POU2AF3: variants seen among roughly 807,000 people sequenced by gnomAD.
POU2AF3 encodes the protein cancer susceptibility candidate 13.
the POU2AF3 span, chr11:111,307,932 T>G: frequency 2.9e-6 from 2 of 693,178 alleles, no homozygotes; most frequent in East Asian, 5.9e-5. Flanking sequence ...TCTGCAGACT[T>G]GGGTTGGGTG....
At chr11:111,303,147 T>G in the POU2AF3 span, among the ~76,000 whole-genome samples, 1 of 152,230 alleles carries the variant, frequency 6.6e-6, no homozygotes, top group South Asian at 2.1e-4. Context: ...TCAAATATTC[T>G]TCAAGCAGTG....
the POU2AF3 span, chr11:111,298,633 G>T: frequency 8.0e-7 from 1 of 1,245,182 alleles, no homozygotes. Context: ...CGGGCCAGGG[G>T]CATTTCAATC....
At chr11:111,308,490 C>T in the POU2AF3 span, 76 of 1,468,446 alleles carry the variant, frequency 5.2e-5, no homozygotes, top group African/African-American at 4.9e-4. Flanking sequence ...TTTTCTACCA[C>T]GTCTAGATGA....
the POU2AF3 span, chr11:111,298,826 G>GGGGGGGGGGGCCCCCCC: frequency 1.3e-6 from 1 of 790,962 alleles, no homozygotes; most frequent in Non-Finnish European, 1.7e-6. Context: ...CGTACCCCAG[G>GGGGGGGGGGGCCCCCCC]CCCCCGCCCG....
chr11:111,298,875 G>A, the POU2AF3 span: 3 of 1,140,024 alleles, frequency 2.6e-6, no homozygotes, highest in African/African-American at 1.6e-5. Flanking sequence ...GAGACACGCG[G>A]TGCGGACCCT....
At chr11:111,298,811 G>T in the POU2AF3 span, 1 of 1,205,892 alleles carries the variant, frequency 8.3e-7, no homozygotes, top group South Asian at 4.3e-5. Flanking sequence ...CGCTCCGGAC[G>T]TCCGCGTACC....
At chr11:111,301,611 C>A in the POU2AF3 span, among the ~76,000 whole-genome samples, 1 of 152,160 alleles carries the variant, frequency 6.6e-6, no homozygotes, top group East Asian at 1.9e-4. Flanking sequence ...GGTTCCAGAA[C>A]CAGATGGACT....
At chr11:111,307,405 A>C in the POU2AF3 span, among the ~76,000 whole-genome samples, 3 of 152,176 alleles carry the variant, frequency 2.0e-5, no homozygotes, top group Non-Finnish European at 4.4e-5. Context: ...CATCAGACTA[A>C]ATTTTAGAGC....
chr11:111,298,826 G>GCGGGGGGGGGGCC, the POU2AF3 span: 10 of 790,962 alleles, frequency 1.3e-5, no homozygotes, highest in Non-Finnish European at 1.5e-5. Context: ...CGTACCCCAG[G>GCGGGGGGGGGGCC]CCCCCGCCCG....
chr11:111,298,828 C>CCGG, the POU2AF3 span: 1 of 411,064 alleles, frequency 2.4e-6, no homozygotes, highest in Non-Finnish European at 4.1e-6. Flanking sequence ...TACCCCAGGC[C>CCGG]CCCGCCCGCC....
chr11:111,298,842 C>CA, the POU2AF3 span: 1 of 1,184,730 alleles, frequency 8.4e-7, no homozygotes, highest in Non-Finnish European at 1.0e-6. Flanking sequence ...GCCCGCCCTC[C>CA]CACGTATCCA....
chr11:111,300,187 G>T, the POU2AF3 span: 1 of 334,608 alleles, frequency 3.0e-6, no homozygotes, highest in Non-Finnish European at 5.4e-6. Flanking sequence ...AGGTTCCCCC[G>T]ACCTAATCAG....
chr11:111,298,824 A>AGGGGGGGGGGGGG, the POU2AF3 span: 4 of 903,140 alleles, frequency 4.4e-6, no homozygotes, highest in African/African-American at 1.7e-5. Flanking sequence ...CGCGTACCCC[A>AGGGGGGGGGGGGG]GGCCCCCGCC....
At chr11:111,305,993 A>G in the POU2AF3 span, among the ~76,000 whole-genome samples, 1 of 152,248 alleles carries the variant, frequency 6.6e-6, no homozygotes, top group African/African-American at 2.4e-5. Flanking sequence ...CCGTAGCATC[A>G]GAAGTTTTCT....
the POU2AF3 span, chr11:111,299,192 G>A: frequency 1.0e-6 from 1 of 967,710 alleles, no homozygotes; most frequent in Non-Finnish European, 1.2e-6. Context: ...GCTTGAGGGG[G>A]ATCCCTGCTG....
At chr11:111,299,008 C>T in the POU2AF3 span, 9 of 995,320 alleles carry the variant, frequency 9.0e-6, no homozygotes, top group African/African-American at 1.7e-5. Flanking sequence ...GAGGGGCGCC[C>T]GCTGCCCGCG....
At chr11:111,305,840 G>C in the POU2AF3 span, among the ~76,000 whole-genome samples, 1 of 152,126 alleles carries the variant, frequency 6.6e-6, no homozygotes, top group African/African-American at 2.4e-5. Context: ...GTGTTAATTG[G>C]TACTCTATGT....
At chr11:111,303,293 C>T in the POU2AF3 span, among the ~76,000 whole-genome samples, 4 of 152,172 alleles carry the variant, frequency 2.6e-5, no homozygotes, top group South Asian at 8.3e-4. Context: ...TAAAAGGAAA[C>T]TTGAGTTAGT....
At chr11:111,308,270 A>C in the POU2AF3 span, 1 of 1,551,580 alleles carries the variant, frequency 6.4e-7, no homozygotes, top group Non-Finnish European at 8.7e-7. Context: ...CTCCTCGGCC[A>C]CCACCTCCAT....
Sources: gnomAD v4.1 joint callset for allele counts (sites outside exome capture counted in the v4.1 genomes callset) on GRCh38, gnomAD v4.1.1 for gene constraint, MANE v1.5 for transcripts, NCBI Gene and HGNC (gene_info 2026-07-23, HGNC 2026-07-21) for gene names.